The following MYMK variants were observed in gnomAD, a reference collection of about 807,000 sequenced individuals.
The protein encoded by MYMK is myomaker, myoblast fusion factor.
MYMK carries 16 observed loss-of-function variants against 22.4 expected under a neutral mutation model. The ratio of observed to expected loss-of-function variants is 0.72; its 90% CI spans 0.48 to 1.09. The LOEUF (loss-of-function observed/expected upper bound fraction) is 1.09. Among genes scored for constraint, MYMK ranks in the 50% least tolerant of loss-of-function variants. The pLI is 0.00. For synonymous variants in MYMK, 125 were observed against 127.0 expected, an observed-to-expected ratio of 0.98 and a Z score of 0.11; for missense variants, 250 against 295.6, an observed-to-expected ratio of 0.85 and a Z score of 1.13.
In MYMK at chr9:133,515,286, C is replaced by T. The variant is rs1428254768; in HGVS notation, c.516+205G>A. ...TTGGTCTCTGTGACCTCCAGGTCCA[C>T]ACAGGCCATGGTGCTGGTGGTGCTG... On this transcript the variant is annotated intron_variant, in intron 4 of 4. Transcript: ENST00000339996. This position sits in a 1 kb window ranked among gnomAD's most constrained non-coding sequence, Gnocchi z 5.8. Among the ~76,000 whole-genome samples the T allele has an allele frequency of 6.6e-6, 1 of 152,174 alleles. No homozygotes were observed. Among genetic ancestry groups the T allele is most frequent in the Non-Finnish European group, 1.5e-5 (1 of 68,034 alleles).
Position 133,515,395 on chromosome 9 carries a change from T to TC in MYMK, c.516+95dup, listed in dbSNP as rs562189656. 3,046 of 832,980 alleles carry TC rather than the reference T, an allele frequency of 3.7e-3. 64 individuals are homozygous for TC. The African/African-American group carries it at 0.042, about 12-fold the overall frequency. The allele number at this position is 832,980 out of a possible 1,614,324, so 51.6% of individuals were successfully genotyped here. ...AGACTTTGGCCTGGGGCTGTCAGAG[T>TC]CCCCCCAGCGTGGGCACAGCCCTGG... On this transcript the variant is annotated intron_variant, in intron 4 of 4. Transcript: ENST00000339996. The surrounding 1 kb of genome is among the most constrained non-coding windows in gnomAD (Gnocchi z 5.8).
At chr9:133,520,116 G>C in intron 2 of MYMK, 58 bp downstream of exon 2, 8 of 1,391,304 alleles carry the variant, frequency 5.8e-6, no homozygotes, top group Non-Finnish European at 8.2e-6. Context: ...CTGGGTGTGC[G>C]GACACTGGGG....
intron 1 of MYMK, among the ~76,000 whole-genome samples, chr9:133,520,703 C>T (rs1427488784): frequency 2.6e-5 from 4 of 152,186 alleles, no homozygotes; most frequent in South Asian, 2.1e-4. Context: ...CACACAGCTG[C>T]GTGTTCACTC....
intron 1 of MYMK, among the ~76,000 whole-genome samples, chr9:133,521,072 A>G (rs761744142): frequency 9.9e-5 from 15 of 152,048 alleles, no homozygotes; most frequent in Non-Finnish European, 1.8e-4. Flanking sequence ...GAAGCTGAAC[A>G]CAGCCCCCTA....
In MYMK at chr9:133,520,234, C is replaced by G; in HGVS notation, c.190G>C (p.Asp64His). ...GLSVLCFMRH[D>H]ILEYFSVYGT... is the part of the protein sequence containing the mutation. ...TAGACACTGAAATACTCCAGGATGTCGTGACGCATGAAGCACAGCACAGAC... is the reference window on the plus strand; with the variant it reads ...TAGACACTGAAATACTCCAGGATGTGGTGACGCATGAAGCACAGCACAGAC... The change falls in exon 2 of 5, where the codon GAC (aspartate) becomes CAC (histidine). Residue 64 changes from aspartate to histidine, a missense_variant. Transcript: ENST00000339996. 1 of 1,614,096 alleles carries G rather than the reference C, an allele frequency of 6.2e-7. No homozygotes were observed. Among genetic ancestry groups the G allele is most frequent in the Non-Finnish European group, 8.5e-7 (1 of 1,180,020 alleles).
At chr9:133,517,862 C>T (rs904226714) in intron 3 of MYMK, among the ~76,000 whole-genome samples, 4 of 152,208 alleles carry the variant, frequency 2.6e-5, no homozygotes, top group Non-Finnish European at 5.9e-5. Context: ...TCCCCACAGC[C>T]GTGGGCCCTC....
At chr9:133,517,913 G>A (rs1295608233) in intron 3 of MYMK, among the ~76,000 whole-genome samples, 1 of 152,204 alleles carries the variant, frequency 6.6e-6, no homozygotes, top group East Asian at 1.9e-4. Context: ...GGTGTCCTGC[G>A]GCTCTGGCCG....
chr9:133,516,488 C>A (rs996159639), intron 3 of MYMK, among the ~76,000 whole-genome samples: 2 of 152,214 alleles, frequency 1.3e-5, no homozygotes, highest in African/African-American at 4.8e-5. Context: ...GTGGCACAAG[C>A]CCCTGGGGGT....
At chr9:133,520,008 T>C (rs1844681653) in intron 2 of MYMK, among the ~76,000 whole-genome samples, 166 bp downstream of exon 2, 1 of 152,192 alleles carries the variant, frequency 6.6e-6, no homozygotes, top group Admixed American at 6.5e-5. Flanking sequence ...ATATTCTTTT[T>C]CATAGATTAA....
chr9:133,518,815 CA>C, intron 3 of MYMK, 58 bp downstream of exon 3: 2 of 1,566,450 alleles, frequency 1.3e-6, no homozygotes, highest in East Asian at 2.3e-5. Flanking sequence ...AGGAGTCAGA[CA>C]GGGGAGAGGT....
rs1844623569 is a variant in MYMK, at chr9:133,515,737, G to A, written c.400-130C>T. 4 of 630,908 alleles carry A rather than the reference G, an allele frequency of 6.3e-6. No individual in the cohort carries two copies. The highest frequency in any genetic ancestry group is 1.1e-5 in the Non-Finnish European group (4 of 356,444). 39.1% of individuals were successfully genotyped at this position (630,908 alleles called of 1,614,324 possible). ...CTCTCCCGGCAGGAGAGGAGGCTCA[G>A]GAGCCTCCTGCCGCACCCAGCCTCA... is the stretch of plus-strand genomic sequence containing the variant. On this transcript the variant is annotated intron_variant, in intron 3 of 4. Coordinates refer to ENST00000339996, the MANE Select transcript of MYMK (RefSeq NM_001080483.3). This position sits in a 1 kb window ranked among gnomAD's most constrained non-coding sequence, Gnocchi z 5.8.
intron 1 of MYMK, 119 bp downstream of exon 1, chr9:133,524,591 G>A: frequency 6.7e-7 from 1 of 1,497,520 alleles, no homozygotes; most frequent in Non-Finnish European, 9.1e-7. Flanking sequence ...TGGGCCTGCT[G>A]TTTCATTTTC....
chr9:133,518,059 G>T (rs932819050), intron 3 of MYMK, among the ~76,000 whole-genome samples: 3 of 152,264 alleles, frequency 2.0e-5, no homozygotes, highest in African/African-American at 7.2e-5. Flanking sequence ...GCTGCTGCAG[G>T]CCTGGAGAGC....
rs767485087 is a variant in MYMK, at chr9:133,515,656, G to T, written c.400-49C>A. ...AAAGCTTTTAGGTCACAGCACTGGG[G>T]AACGCCCCTCCCCAAACCAGCCCGA... is the stretch of plus-strand genomic sequence containing the variant. On this transcript the variant is annotated intron_variant, in intron 3 of 4. Coordinates refer to ENST00000339996, the MANE Select transcript of MYMK (RefSeq NM_001080483.3). The surrounding 1 kb of genome is among the most constrained non-coding windows in gnomAD (Gnocchi z 5.8). The T allele has an allele frequency of 3.8e-6, 5 of 1,317,458 alleles. No homozygotes were observed. The East Asian group carries it at 9.3e-5, about 24-fold the overall frequency. 81.6% of individuals were successfully genotyped at this position (1,317,458 alleles called of 1,614,324 possible).
At chr9:133,520,131 G>C in intron 2 of MYMK, 43 bp downstream of exon 2, 2 of 1,519,306 alleles carry the variant, frequency 1.3e-6, no homozygotes, top group Non-Finnish European at 1.8e-6. Context: ...CTGGGGAGCC[G>C]GTCCTTGTCC....
chr9:133,517,961 C>T (rs1002252190), intron 3 of MYMK, among the ~76,000 whole-genome samples: 1 of 152,246 alleles, frequency 6.6e-6, no homozygotes, highest in Non-Finnish European at 1.5e-5. Flanking sequence ...AGGCCAGGTC[C>T]TCTCTTGGCA....
chr9:133,514,890 AC>A (rs1844611541), intron 4 of MYMK, 105 bp from the exon 5 acceptor site: 1 of 1,301,800 alleles, frequency 7.7e-7, no homozygotes, highest in African/African-American at 1.5e-5. Context: ...CTGCCAGGGC[AC>A]TGGGACACCT....
rs2131069666 is a variant in MYMK, at chr9:133,518,944, T to C, written c.329A>G (p.His110Arg). 1.2e-6 allele frequency: 2 copies of C among 1,613,860 alleles called. No homozygotes were observed. Among genetic ancestry groups the C allele is most frequent in the Non-Finnish European group, 8.5e-7 (1 of 1,179,984 alleles). Residue 110 changes from histidine (H) to arginine (R), a missense_variant, in exon 3 of 5, where the codon CAT (histidine) becomes CGT (arginine). Transcript: ENST00000339996. ...GTACACCCCGTAGCCCCATCGGTCA[T>C]GGTAGATCCGCACAGCAATGGTCAG... Reference protein sequence around the residue: ...GVLTIAVRIYHDRWGYGVYSG... With the variant: ...GVLTIAVRIYRDRWGYGVYSG...
intron 1 of MYMK, among the ~76,000 whole-genome samples, chr9:133,521,336 C>T (rs1306209868): frequency 6.6e-6 from 1 of 152,178 alleles, no homozygotes; most frequent in African/African-American, 2.4e-5. Context: ...TCTTGGTCAG[C>T]CCAGCTCAGC....
Sources: gnomAD v4.1 joint callset for allele counts (sites outside exome capture counted in the v4.1 genomes callset) on GRCh38, gnomAD v4.1.1 for gene constraint, Gnocchi (gnomAD v3.1) non-coding constraint, MANE v1.5 for transcripts, NCBI Gene and HGNC (gene_info 2026-07-23, HGNC 2026-07-21) for gene names.